The following ME3 variants were observed in gnomAD, a reference collection of about 807,000 sequenced individuals.
The protein encoded by ME3 is NADP-dependent malic enzyme, mitochondrial.
A neutral mutation model predicts 68.9 loss-of-function variants in ME3; 48 were observed. The ratio of observed to expected loss-of-function variants is 0.70; its 90% CI spans 0.55 to 0.89. The LOEUF (loss-of-function observed/expected upper bound fraction) is 0.89. ME3 is among the 40% of genes least tolerant of loss of function. ME3 has a pLI of 0.00. For synonymous variants in ME3, 320 were observed against 318.8 expected, an observed-to-expected ratio of 1.00 and a Z score of -0.04; for missense variants, 675 against 797.4, an observed-to-expected ratio of 0.85 and a Z score of 1.85.
chr11:86,659,578 T>G (rs1327508603), intron 2 of ME3, among the ~76,000 whole-genome samples: 1 of 152,190 alleles, frequency 6.6e-6, no homozygotes, highest in Non-Finnish European at 1.5e-5. Context: ...AGGAGAAAAG[T>G]TTGGTTCACA....
At chr11:86,602,795 A>G (rs188144417) in intron 2 of ME3, among the ~76,000 whole-genome samples, 11,817 of 152,268 alleles carry the variant, frequency 0.078, 551 homozygotes, top group East Asian at 0.14. Context: ...AAATAACGCC[A>G]CATATCTACA....
intron 6 of ME3, among the ~76,000 whole-genome samples, chr11:86,491,055 C>A (rs1205802757): frequency 6.6e-6 from 1 of 152,134 alleles, no homozygotes; most frequent in Non-Finnish European, 1.5e-5. Context: ...TTCTATGTCT[C>A]AGATACTTTA....
intron 7 of ME3, among the ~76,000 whole-genome samples, chr11:86,487,091 G>A (rs1338635390): frequency 6.6e-6 from 1 of 152,138 alleles, no homozygotes; most frequent in Admixed American, 6.5e-5. Context: ...ACTACCTCCA[G>A]ATCACAGCCT....
intron 11 of ME3, 83 bp from the exon 12 acceptor site, chr11:86,447,290 A>G: frequency 1.9e-6 from 3 of 1,539,800 alleles, no homozygotes; most frequent in South Asian, 2.5e-5. Context: ...TGGGGGAACT[A>G]GGAATACCAT....
At chr11:86,570,095 GCA>G (rs759020105) in intron 2 of ME3, among the ~76,000 whole-genome samples, 4 of 152,130 alleles carry the variant, frequency 2.6e-5, no homozygotes, top group African/African-American at 7.2e-5. Context: ...CTGGCCCACG[GCA>G]CACACACAGC....
intron 8 of ME3, among the ~76,000 whole-genome samples, chr11:86,459,680 C>T (rs76401566): frequency 0.077 from 11,743 of 152,136 alleles, 499 homozygotes; most frequent in South Asian, 0.11. Flanking sequence ...AGGAAGGTAC[C>T]GAGAATTTCA....
intron 2 of ME3, among the ~76,000 whole-genome samples, chr11:86,604,486 A>T (rs752412735): frequency 6.6e-6 from 1 of 152,214 alleles, no homozygotes; most frequent in African/African-American, 2.4e-5. Flanking sequence ...CCATATAACC[A>T]TTGCTCCCTA....
intron 5 of ME3, among the ~76,000 whole-genome samples, chr11:86,506,675 A>G (rs1953099492): frequency 6.6e-6 from 1 of 152,220 alleles, no homozygotes; most frequent in Non-Finnish European, 1.5e-5. Flanking sequence ...GACATGGAAG[A>G]TGCTCAGCAT....
At chr11:86,499,203 C>A (rs674250) in intron 5 of ME3, among the ~76,000 whole-genome samples, 6 of 151,860 alleles carry the variant, frequency 4.0e-5, no homozygotes, top group Non-Finnish European at 8.8e-5. Context: ...GGGGTGGGGA[C>A]AATGTAGGAT....
chr11:86,524,979 C>T (rs964519003), intron 4 of ME3, among the ~76,000 whole-genome samples: 2 of 152,098 alleles, frequency 1.3e-5, no homozygotes, highest in African/African-American at 4.8e-5. Context: ...AAGTTAAAGG[C>T]CAAAAAAGTA....
In ME3 at chr11:86,465,216, G is replaced by A; in HGVS notation, c.810-16C>T. Reference sequence around the variant, plus strand: ...TATTCCAAACCTGTGTGGAGGGAGAGGAAGAAACCCATGATTGCCTCTCTG... The same window carrying A: ...TATTCCAAACCTGTGTGGAGGGAGAAGAAGAAACCCATGATTGCCTCTCTG... On this transcript the variant is annotated splice_polypyrimidine_tract_variant and intron_variant, in intron 7 of 14. Coordinates refer to ENST00000543262, the Ensembl canonical transcript of ME3. The A allele has an allele frequency of 1.3e-6, 2 of 1,581,772 alleles. No homozygotes were observed. Among genetic ancestry groups the A allele is most frequent in the South Asian group, 2.2e-5 (2 of 90,350 alleles).
chr11:86,662,284 G>A (rs1408768844), intron 2 of ME3, among the ~76,000 whole-genome samples: 2 of 152,148 alleles, frequency 1.3e-5, no homozygotes, highest in African/African-American at 4.8e-5. Context: ...ATGACCTAGG[G>A]CAAGTTAGCT....
intron 2 of ME3, among the ~76,000 whole-genome samples, chr11:86,603,482 C>G (rs1961072393): frequency 6.6e-6 from 1 of 152,146 alleles, no homozygotes; most frequent in African/African-American, 2.4e-5. Flanking sequence ...GAAATAGGAA[C>G]ACTTTTACAC....
chr11:86,657,797 G>A (rs552292768), intron 2 of ME3, among the ~76,000 whole-genome samples: 7 of 152,236 alleles, frequency 4.6e-5, no homozygotes, highest in Admixed American at 6.5e-5. Flanking sequence ...TCACTAGATT[G>A]TACACTCAGC....
intron 6 of ME3, among the ~76,000 whole-genome samples, chr11:86,495,129 AC>A (rs758967559): frequency 2.0e-5 from 3 of 152,222 alleles, no homozygotes; most frequent in Non-Finnish European, 4.4e-5. Flanking sequence ...AGGAGCACAA[AC>A]TTGGATTCGG....
At chr11:86,531,189 G>A (rs1955201454) in intron 4 of ME3, among the ~76,000 whole-genome samples, 1 of 152,152 alleles carries the variant, frequency 6.6e-6, no homozygotes, top group Non-Finnish European at 1.5e-5. Flanking sequence ...GTGGGTGAAG[G>A]ATATGAACAG....
rs1023383203 is a variant in ME3, at chr11:86,450,128, A to G, written c.1018-126T>C. Reference sequence around the variant, plus strand: ...TCAATGACTCCCAGGAGGCCCAATTAAGTCCTTGCCTTGAGACACCCAATT... The same window carrying G: ...TCAATGACTCCCAGGAGGCCCAATTGAGTCCTTGCCTTGAGACACCCAATT... On this transcript the variant is annotated intron_variant, in intron 9 of 14. Coordinates refer to ENST00000543262, the Ensembl canonical transcript of ME3. 4.2e-6 allele frequency: 4 copies of G among 958,706 alleles called. No homozygotes were observed. In the African/African-American group the frequency reaches 6.5e-5, roughly 16 times the overall value. The allele number at this position is 958,706 out of a possible 1,614,324, so 59.4% of individuals were successfully genotyped here. A position where few individuals can be genotyped will look rare whatever the true frequency, so the allele number is the denominator to read the frequency against.
At chr11:86,515,630 G>T (rs112463353) in intron 4 of ME3, among the ~76,000 whole-genome samples, 1 of 152,150 alleles carries the variant, frequency 6.6e-6, no homozygotes, top group Non-Finnish European at 1.5e-5. Flanking sequence ...GTCTAACCTC[G>T]TCCAGTCTGG....
chr11:86,519,877 TCA>T (rs1452494560), intron 4 of ME3, among the ~76,000 whole-genome samples: 1 of 152,250 alleles, frequency 6.6e-6, no homozygotes, highest in Non-Finnish European at 1.5e-5. Flanking sequence ...AGCTTTAAAA[TCA>T]CACTTTCCAC....
Sources: allele counts gnomAD v4.1 joint callset (sites outside exome capture counted in the v4.1 genomes callset), GRCh38; gene constraint gnomAD v4.1.1; transcripts MANE v1.5; gene names NCBI Gene and HGNC (gene_info 2026-07-23, HGNC 2026-07-21).